WAS: variants seen among roughly 807,000 people sequenced by gnomAD.
WAS encodes the protein WASP actin nucleation promoting factor, also known as actin nucleation-promoting factor WAS.
WAS carries 1 observed loss-of-function variant against 38.9 expected under a neutral mutation model. That is an observed-to-expected ratio of 0.03 (90% CI 0.01 to 0.12). The LOEUF is 0.12. Ranked by LOEUF, WAS falls within the 10% of genes least tolerant of loss-of-function variation. WAS has a pLI of 1.00. For missense variants in WAS, 311 were observed against 431.2 expected, an observed-to-expected ratio of 0.72 and a Z score of 2.47; for synonymous variants, 182 against 173.6, an observed-to-expected ratio of 1.05 and a Z score of -0.38.
chrX:48,681,699 G>A (rs993199090), upstream of WAS, among the ~76,000 whole-genome samples: 13 of 112,410 alleles, frequency 1.2e-4, no homozygotes, highest in African/African-American at 4.2e-4. Flanking sequence ...GGCCTTGAAG[G>A]CCACATCGGG....
chrX:48,683,656 A>T, upstream of WAS: 1 of 522,273 alleles, frequency 1.9e-6, no homozygotes, highest in Admixed American at 4.0e-5. Context: ...CAAGTGGAGG[A>T]GGGTTCCAAT....
chrX:48,681,857 C>G (rs782611357), upstream of WAS, among the ~76,000 whole-genome samples: 8 of 111,494 alleles, frequency 7.2e-5, no homozygotes, highest in Admixed American at 9.5e-5. Context: ...GTGTGGGAAG[C>G]CATGGAAGTT....
chrX:48,690,201 T>G (rs1321945211), intron 11 of WAS, among the ~76,000 whole-genome samples: 1 of 110,649 alleles, frequency 9.0e-6, no homozygotes, highest in Non-Finnish European at 1.9e-5. Context: ...CATGGCTCAG[T>G]GCAGCCTCAA....
chrX:48,678,790 A>G (rs1411988292), intron 1 of WAS, among the ~76,000 whole-genome samples: 1 of 111,894 alleles, frequency 8.9e-6, no homozygotes, highest in Non-Finnish European at 1.9e-5. Flanking sequence ...GCAAGAGTTG[A>G]TGAGAACATC....
rs2147266199 is a variant in WAS at position 48,688,654 on chromosome X, C to T, written c.932-6C>T. 1 of 1,208,244 alleles carries T rather than the reference C, an allele frequency of 8.3e-7. No homozygotes were observed. The highest frequency in any genetic ancestry group is 1.1e-6 in the Non-Finnish European group (1 of 893,136). ...GTTACAGCTATGTGTTATACCCCCT[C>T]CACAGAGCCACTTCCGCCGCCCCCA... On this transcript the variant is annotated splice_polypyrimidine_tract_variant and splice_region_variant and intron_variant, in intron 9 of 11. Coordinates refer to ENST00000376701, the MANE Select transcript of WAS (RefSeq NM_000377.3).
At chrX:48,678,022 G>A (rs1222698582) in intron 1 of WAS, among the ~76,000 whole-genome samples, 1 of 112,061 alleles carries the variant, frequency 8.9e-6, no homozygotes, top group African/African-American at 3.2e-5. Context: ...CTCCTTGAGG[G>A]TGCTTTGGCA....
upstream of WAS, among the ~76,000 whole-genome samples, chrX:48,682,205 C>T (rs922242510): frequency 8.9e-6 from 1 of 112,236 alleles, no homozygotes; most frequent in Admixed American, 9.4e-5. Flanking sequence ...TTGCTCCCAA[C>T]AGCAAGAACC....
chrX:48,686,596 T>C (rs2062420696), intron 6 of WAS, among the ~76,000 whole-genome samples, 185 bp from the exon 7 acceptor site: 1 of 112,173 alleles, frequency 8.9e-6, no homozygotes. Flanking sequence ...AATGAATCAG[T>C]GAATGTATGA....
At chrX:48,677,417 C>CA (rs2062393348) in intron 1 of WAS, among the ~76,000 whole-genome samples, 1 of 111,733 alleles carries the variant, frequency 8.9e-6, no homozygotes, top group African/African-American at 3.3e-5. Context: ...ATAGAAACGG[C>CA]AACAGTAATG....
At chrX:48,687,738 C>G (rs1197625742) in intron 7 of WAS, among the ~76,000 whole-genome samples, 1 of 111,305 alleles carries the variant, frequency 9.0e-6, no homozygotes, top group East Asian at 2.8e-4. Flanking sequence ...AATGGGTGAA[C>G]AGACATATGT....
In WAS at chrX:48,686,859, G is replaced by A. The variant is rs782224455; in HGVS notation, c.638G>A (p.Arg213His). 6.6e-6 allele frequency: 8 copies of A among 1,212,026 alleles called. No homozygotes were observed. The highest frequency in any genetic ancestry group is 3.5e-5 in the African/African-American group (2 of 57,865). The change falls in exon 7 of 12, where the codon CGT (arginine) becomes CAT (histidine). Residue 213 changes from arginine to histidine, a missense_variant. Physicochemically the swap from Arg to His is conservative, Grantham distance 29. Coordinates refer to ENST00000376701, the MANE Select transcript of WAS (RefSeq NM_000377.3). ...QNPDITSSRY[R>H]GLPAPGPSPA... ...CCTGACATCACGAGTTCACGATACC[G>A]TGGGCTCCCAGCACCTGGACCTAGC...
intron 1 of WAS, among the ~76,000 whole-genome samples, chrX:48,677,133 G>A (rs947289273): frequency 9.0e-6 from 1 of 111,720 alleles, no homozygotes; most frequent in Non-Finnish European, 1.9e-5. Flanking sequence ...GTGCAGGTGC[G>A]GGGAGTAGGG....
At chrX:48,683,370 G>A (rs782244081), upstream of WAS, 33 of 115,708 alleles carry the variant, frequency 2.9e-4, no homozygotes, top group African/African-American at 1.0e-3. Context: ...ACAGGTGTGA[G>A]CTATTGTCCC....
rs1557007034 is a variant in WAS at position 48,688,371 on chromosome X, C to T, written c.849C>T (p.Asp283=). Residue 283 remains aspartate, a synonymous_variant, in exon 9 of 12, where the codon GAC becomes GAT. Transcript: ENST00000376701. ...GAATCAGCGAGGCCCAGCTCACCGA[C>T]GCCGAGACCTCTAAACTTATCTACG... The part of the protein sequence containing the change: ...RAGISEAQLT[D]AETSKLIYDF... 3.3e-6 allele frequency: 4 copies of T among 1,210,535 alleles called. No individual in the cohort carries two copies. The highest frequency in any genetic ancestry group is 2.3e-4 in the Middle Eastern group (1 of 4,351).
chrX:48,686,724 G>T, intron 6 of WAS, 57 bp from the exon 7 acceptor site: 2 of 1,190,563 alleles, frequency 1.7e-6, no homozygotes, highest in Non-Finnish European at 2.3e-6. Context: ...TCTTGCCCCT[G>T]TGCTTTGGTT....
rs146220228 is a variant in WAS at position 48,685,764 on chromosome X, G to A, written c.391G>A (p.Glu131Lys). The A allele has an allele frequency of 2.6e-3, 3,127 of 1,180,777 alleles. 5 individuals are homozygous for A. The highest frequency in any genetic ancestry group is 3.9e-3 in the Middle Eastern group (17 of 4,329). The change falls in exon 4 of 12, where the codon GAG (glutamate) becomes AAG (lysine). Residue 131 changes from glutamate to lysine, a missense_variant. Physicochemically the swap from Glu to Lys is moderately conservative, Grantham distance 56 (BLOSUM62 1). Transcript: ENST00000376701. ...DCQAGLNFAD[E>K]DEAQAFRALV... ...CCAAGCGGGGCTGAACTTTGCAGACGAGGACGAGGCCCAGGCCTTCCGGGC... is the reference window on the plus strand; with the variant it reads ...CCAAGCGGGGCTGAACTTTGCAGACAAGGACGAGGCCCAGGCCTTCCGGGC...
At chrX:48,678,684 T>A (rs2062395450) in intron 1 of WAS, among the ~76,000 whole-genome samples, 1 of 111,453 alleles carries the variant, frequency 9.0e-6, no homozygotes, top group African/African-American at 3.3e-5. Context: ...TGGATTAAAG[T>A]TCCTGTTTTT....
intron 11 of WAS, among the ~76,000 whole-genome samples, chrX:48,689,867 GGTGT>G (rs1557007529): frequency 9.3e-6 from 1 of 108,060 alleles, no homozygotes; most frequent in African/African-American, 3.4e-5. Flanking sequence ...CAAGCATAGT[GGTGT>G]GTGCCTGTGG....
At position 48,688,936 on chromosome X, in the gene WAS, C is replaced by A; in HGVS notation, c.1208C>A (p.Pro403Gln). 2.6e-6 allele frequency: 3 copies of A among 1,163,906 alleles called. No individual in the cohort carries two copies. Among genetic ancestry groups the A allele is most frequent in the South Asian group, 2.0e-5 (1 of 51,248 alleles). ...CCACCACCGCCACCACCGCCACCGC[C>A]GCCCAGCTCCGGGAATGGACCAGCC... ...MPPPPPPPPP[P>Q]PSSGNGPAPP... Residue 403 changes from proline to glutamine, a missense_variant, in exon 10 of 12, where the codon CCG becomes CAG. Physicochemically the swap from Pro to Gln is moderately conservative, Grantham distance 76. Around this residue, in one of 4 missense-constraint regions of WAS, gnomAD observed 142 missense variants for 157.6 expected, o/e 0.90. Coordinates refer to ENST00000376701, the MANE Select transcript of WAS (RefSeq NM_000377.3).
Sources: allele counts gnomAD v4.1 joint callset (sites outside exome capture counted in the v4.1 genomes callset), GRCh38; gene constraint gnomAD v4.1.1; regional missense constraint gnomAD v4.1.1; transcripts MANE v1.5; gene names NCBI Gene and HGNC (gene_info 2026-07-23, HGNC 2026-07-21).